USP47: variants seen among roughly 807,000 people sequenced by gnomAD.
The protein encoded by USP47 is ubiquitin carboxyl-terminal hydrolase 47.
A neutral mutation model predicts 165.1 loss-of-function variants in USP47; 35 were observed. That is an observed-to-expected ratio of 0.21 (90% CI 0.16 to 0.28). The LOEUF (loss-of-function observed/expected upper bound fraction) is 0.28. Ranked by LOEUF, USP47 falls within the 10% of genes least tolerant of loss-of-function variation. USP47 has a pLI of 1.00. For synonymous variants in USP47, 531 were observed against 544.5 expected (o/e 0.98, Z 0.35); for missense variants, 1,277 against 1,607.4 (o/e 0.79, Z 3.52).
At chr11:11,862,298 G>A (rs571271222) in intron 1 of USP47, among the ~76,000 whole-genome samples, 1 of 152,262 alleles carries the variant, frequency 6.6e-6, no homozygotes, top group Non-Finnish European at 1.5e-5. Context: ...ACAGAATTCT[G>A]TGTAGGACTT....
chr11:11,872,669 TGAACAGTGTTGGGA>T (rs1590268212), intron 1 of USP47, among the ~76,000 whole-genome samples: 1 of 152,350 alleles, frequency 6.6e-6, no homozygotes, highest in South Asian at 2.1e-4. Flanking sequence ...GAGAGCAGGG[TGAACAGTGTTGGGA>T]GAACAGTGTT....
chr11:11,953,113 G>A (rs1856331212), intron 25 of USP47, among the ~76,000 whole-genome samples: 1 of 152,118 alleles, frequency 6.6e-6, no homozygotes, highest in Non-Finnish European at 1.5e-5. Flanking sequence ...CCATTCAGAA[G>A]TGGATCCTCA....
intron 8 of USP47, among the ~76,000 whole-genome samples, chr11:11,918,763 T>C (rs1203033688): frequency 6.6e-6 from 1 of 152,020 alleles, no homozygotes; most frequent in African/African-American, 2.4e-5. Context: ...AAGTAGAATT[T>C]GAGTTACATA....
At chr11:11,866,213 T>C (rs1849669187) in intron 1 of USP47, among the ~76,000 whole-genome samples, 1 of 152,208 alleles carries the variant, frequency 6.6e-6, no homozygotes, top group African/African-American at 2.4e-5. Flanking sequence ...CCTATCTCCT[T>C]TGTTAAAGAG....
rs578099928 is a variant in USP47, at chr11:11,945,937, C to A, written c.3092-2008C>A. ...GCAACAGAGCGAGACCCTGTCCCCCCCCCAAAAAAAAAAGAAAAGAAAAGA... is the reference window on the plus strand; with the variant it reads ...GCAACAGAGCGAGACCCTGTCCCCCACCCAAAAAAAAAAGAAAAGAAAAGA... On this transcript the variant is annotated intron_variant, in intron 20 of 27. Coordinates refer to ENST00000527733, the MANE Select transcript of USP47 (RefSeq NM_001282659.2). 1.9e-3 allele frequency among the ~76,000 whole-genome samples: 274 copies of A among 145,770 alleles called. 1 individual carries two copies. Among genetic ancestry groups the A allele is most frequent in the Middle Eastern group, 0.014 (4 of 284 alleles).
At position 11,947,988 on chromosome 11, in the gene USP47, C is replaced by T. The variant is rs769792106; in HGVS notation, c.3135C>T (p.Phe1045=). Residue 1045 remains phenylalanine, a synonymous_variant, in exon 21 of 28, where the codon TTC becomes TTT. Transcript: ENST00000527733. ...ATAAAAGAATTACTCTGGCAGCTTT[C>T]AAACAACATTTAGAGCCCTTTGTTG... The part of the protein sequence containing the change: ...HVDKRITLAA[F]KQHLEPFVGV... The T allele has an allele frequency of 2.5e-6, 4 of 1,613,026 alleles. No homozygotes were observed. The South Asian group carries it at 4.4e-5, about 18-fold the overall frequency.
rs1856107869 is a variant in USP47, at chr11:11,949,970, A to G, written c.3430A>G (p.Arg1144Gly). Residue 1144 changes from arginine (R) to glycine (G), a missense_variant, in exon 23 of 28, where the codon AGG becomes GGG. Physicochemically the swap from Arg to Gly is moderately radical, Grantham distance 125 (BLOSUM62 -2). Around this residue, in one of 4 missense-constraint regions of USP47, gnomAD observed 909 missense variants for 1,068.1 expected, o/e 0.85. Coordinates refer to ENST00000527733, the MANE Select transcript of USP47 (RefSeq NM_001282659.2). ...AAAAGAGGAATTAATTCCTCAGCTC[A>G]GGGAGCAATGTGGTTTAGAGCTCAG... ...QSKEELIPQL[R>G]EQCGLELSID... 3.7e-6 allele frequency: 6 copies of G among 1,612,904 alleles called. No individual in the cohort carries two copies. The highest frequency in any genetic ancestry group is 5.1e-6 in the Non-Finnish European group (6 of 1,179,250).
intron 2 of USP47, among the ~76,000 whole-genome samples, chr11:11,881,818 G>A (rs570457494): frequency 2.6e-5 from 4 of 152,156 alleles, no homozygotes; most frequent in Admixed American, 2.0e-4. Context: ...CCATTCATGA[G>A]GGCTCCATCC....
rs1443696988 is a variant in USP47, at chr11:11,933,076, A to G, written c.1724A>G (p.Gln575Arg). The G allele has an allele frequency of 1.2e-6, 2 of 1,613,298 alleles. No homozygotes were observed. The highest frequency in any genetic ancestry group is 1.3e-5 in the African/African-American group (1 of 74,872). ...CAGAAAGAGAGAGAGTTGGAAGAACAAGAAAAGAGACAACGAGAAATTGAG... is the reference window on the plus strand; with the variant it reads ...CAGAAAGAGAGAGAGTTGGAAGAACGAGAAAAGAGACAACGAGAAATTGAG... ...LVQKERELEE[Q>R]EKRQREIERN... Residue 575 changes from glutamine (Q) to arginine (R), a missense_variant, in exon 15 of 28, where the codon CAA becomes CGA. Transcript: ENST00000527733.
intron 8 of USP47, among the ~76,000 whole-genome samples, chr11:11,912,406 A>T (rs2134524016): frequency 6.6e-6 from 1 of 152,268 alleles, no homozygotes; most frequent in Non-Finnish European, 1.5e-5. Context: ...TATCAAAGGG[A>T]TCACAACAAA....
At chr11:11,855,266 C>T (rs753657569) in intron 1 of USP47, among the ~76,000 whole-genome samples, 2 of 152,050 alleles carry the variant, frequency 1.3e-5, no homozygotes, top group Non-Finnish European at 2.9e-5. Flanking sequence ...GGATTCAGTG[C>T]GAAATGTTAT....
chr11:11,854,839 A>G (rs1456728804), intron 1 of USP47, among the ~76,000 whole-genome samples: 5 of 147,220 alleles, frequency 3.4e-5, no homozygotes, highest in Admixed American at 6.8e-5. Context: ...CACGCCTGTA[A>G]TCCCAGCACT....
At chr11:11,847,368 C>A (rs1444213811) in intron 1 of USP47, among the ~76,000 whole-genome samples, 3 of 151,684 alleles carry the variant, frequency 2.0e-5, no homozygotes, top group Non-Finnish European at 4.4e-5. Context: ...ACTTGTATAG[C>A]TTCAACCTTT....
intron 1 of USP47, among the ~76,000 whole-genome samples, chr11:11,873,297 T>A (rs1052817656): frequency 1.3e-5 from 2 of 152,170 alleles, no homozygotes; most frequent in African/African-American, 4.8e-5. Flanking sequence ...TATAGGTTAC[T>A]TTTATTTCCT....
intron 5 of USP47, 46 bp from the exon 6 acceptor site, chr11:11,902,669 A>G: frequency 7.8e-7 from 1 of 1,282,370 alleles, no homozygotes; most frequent in Non-Finnish European, 1.0e-6. Context: ...GCTTTTAAAT[A>G]ATAAAATCAT....
At chr11:11,862,750 T>A (rs541174168) in intron 1 of USP47, among the ~76,000 whole-genome samples, 22 of 151,972 alleles carry the variant, frequency 1.4e-4, no homozygotes, top group African/African-American at 5.1e-4. Context: ...AGAGATAGGG[T>A]CTCGCCATGT....
At chr11:11,925,235 G>T (rs768824806) in intron 11 of USP47, among the ~76,000 whole-genome samples, 1 of 151,836 alleles carries the variant, frequency 6.6e-6, no homozygotes, top group Non-Finnish European at 1.5e-5. Flanking sequence ...AGCCTCCTGA[G>T]TAGCTGGAAC....
At chr11:11,937,712 A>G (rs1042730511) in intron 17 of USP47, among the ~76,000 whole-genome samples, 4 of 151,850 alleles carry the variant, frequency 2.6e-5, no homozygotes, top group African/African-American at 9.7e-5. Flanking sequence ...ATTCATTAAT[A>G]ATCAAGATCT....
chr11:11,918,596 G>A (rs1399794798), intron 8 of USP47, among the ~76,000 whole-genome samples: 1 of 152,010 alleles, frequency 6.6e-6, no homozygotes, highest in Admixed American at 6.6e-5. Context: ...GTTGGGTTGG[G>A]CGAGGGAAAG....
Sources: allele counts gnomAD v4.1 joint callset (sites outside exome capture counted in the v4.1 genomes callset), GRCh38; gene constraint gnomAD v4.1.1; regional missense constraint gnomAD v4.1.1; transcripts MANE v1.5; gene names NCBI Gene and HGNC (gene_info 2026-07-23, HGNC 2026-07-21).